The following KCNN2 variants were observed in gnomAD, a reference collection of about 807,000 sequenced individuals.
KCNN2 encodes potassium calcium-activated channel subfamily N member 2, also known as small conductance calcium-activated potassium channel protein 2.
A neutral mutation model predicts 55.5 loss-of-function variants in KCNN2; 24 were observed. The observed-to-expected ratio is 0.43, with a 90% CI of 0.31 to 0.61. The LOEUF (loss-of-function observed/expected upper bound fraction) is 0.61. KCNN2 is among the 20% of genes least tolerant of loss of function. KCNN2 has a pLI of 0.08. For missense variants in KCNN2, 754 were observed against 853.6 expected, an observed-to-expected ratio of 0.88 and a Z score of 1.45; for synonymous variants, 431 against 336.1, an observed-to-expected ratio of 1.28 and a Z score of -3.09.
intron 2 of KCNN2, among the ~76,000 whole-genome samples, chr5:114,258,332 C>T (rs1206065097): frequency 6.6e-6 from 1 of 152,022 alleles, no homozygotes; most frequent in Non-Finnish European, 1.5e-5. Flanking sequence ...TTACCTGGCT[C>T]TGGTATTAGG....
At chr5:114,477,408 T>C (rs1334820504) in intron 5 of KCNN2, among the ~76,000 whole-genome samples, 1 of 152,142 alleles carries the variant, frequency 6.6e-6, no homozygotes, top group Non-Finnish European at 1.5e-5. Flanking sequence ...CCAAGTAAAA[T>C]ACTGTATTTG....
chr5:114,350,916 G>T (rs1184042376), intron 2 of KCNN2, among the ~76,000 whole-genome samples: 1 of 151,706 alleles, frequency 6.6e-6, no homozygotes, highest in Non-Finnish European at 1.5e-5. Context: ...TCTATTTAAA[G>T]ATTGCTTTGT....
Position 114,487,033 on chromosome 5 carries a change from G to C in KCNN2, c.1891-17G>C, listed in dbSNP as rs750010991. Reference sequence around the variant, plus strand: ...TGCTCTGGAATTTATCAACTGCTTTGTTTGTTCTCTTAACAGGTAAAAAAT... The same window carrying C: ...TGCTCTGGAATTTATCAACTGCTTTCTTTGTTCTCTTAACAGGTAAAAAAT... On this transcript the variant is annotated splice_polypyrimidine_tract_variant and intron_variant, in intron 5 of 7. Transcript: ENST00000673685. 12 of 1,612,192 alleles carry C rather than the reference G, an allele frequency of 7.4e-6. No individual in the cohort carries two copies. The highest frequency in any genetic ancestry group is 1.3e-5 in the African/African-American group (1 of 74,842).
At chr5:114,313,026 C>T (rs1190339319) in intron 2 of KCNN2, among the ~76,000 whole-genome samples, 2 of 152,052 alleles carry the variant, frequency 1.3e-5, no homozygotes, top group African/African-American at 4.8e-5. Flanking sequence ...GTTTTGATCT[C>T]TGTAGAAAAA....
intron 2 of KCNN2, among the ~76,000 whole-genome samples, chr5:114,229,928 C>T (rs945759715): frequency 6.6e-6 from 1 of 152,114 alleles, no homozygotes; most frequent in Non-Finnish European, 1.5e-5. Flanking sequence ...ATGCATTGTA[C>T]AGCTGGAACA....
chr5:114,261,626 A>T (rs190213243), intron 2 of KCNN2, among the ~76,000 whole-genome samples: 1 of 152,310 alleles, frequency 6.6e-6, no homozygotes, highest in East Asian at 1.9e-4. Context: ...TTCTCTGAGA[A>T]TTATTTTCCC....
At chr5:114,483,171 C>T (rs1291377333) in intron 5 of KCNN2, among the ~76,000 whole-genome samples, 3 of 151,352 alleles carry the variant, frequency 2.0e-5, no homozygotes, top group African/African-American at 7.3e-5. Context: ...CCGTGAGTCG[C>T]AATATAATAT....
chr5:114,209,341 C>T lies in KCNN2; in HGVS notation c.-270-12139C>T, dbSNP rs139669698. ...CTTCCTCTGCTTGCTCCTTAAATGT[C>T]ACTATTCCTTTAAATTCCATTTCCT... On this transcript the variant is annotated intron_variant, in intron 1 of 10. Transcript: ENST00000512097. 7.2e-5 allele frequency among the ~76,000 whole-genome samples: 11 copies of T among 152,116 alleles called. No homozygotes were observed. In the East Asian group the frequency reaches 2.1e-3, roughly 30 times the overall value.
chr5:114,374,905 C>G (rs144050379), intron 2 of KCNN2, among the ~76,000 whole-genome samples: 1 of 152,190 alleles, frequency 6.6e-6, no homozygotes, highest in African/African-American at 2.4e-5. Flanking sequence ...GGGATTGTTT[C>G]CAGGTAGTTT....
intron 1 of KCNN2, among the ~76,000 whole-genome samples, chr5:114,071,522 A>G (rs138768315): frequency 7.7e-4 from 117 of 152,366 alleles, no homozygotes; most frequent in South Asian, 1.9e-3. Flanking sequence ...AGGCAACTAC[A>G]AGGGGACTGA....
At chr5:114,158,117 T>A (rs1752680588) in intron 1 of KCNN2, among the ~76,000 whole-genome samples, 1 of 152,152 alleles carries the variant, frequency 6.6e-6, no homozygotes, top group South Asian at 2.1e-4. Context: ...GGTTTTCTTC[T>A]AGGGTTTTTA....
At chr5:114,093,575 A>G (rs2112558809) in intron 1 of KCNN2, among the ~76,000 whole-genome samples, 2 of 152,346 alleles carry the variant, frequency 1.3e-5, no homozygotes, top group Middle Eastern at 6.8e-3. Context: ...TAAAAGAAAG[A>G]GGTTTAATTA....
intron 1 of KCNN2, among the ~76,000 whole-genome samples, chr5:114,109,984 C>T (rs1247325482): frequency 6.6e-6 from 1 of 151,980 alleles, no homozygotes; most frequent in Non-Finnish European, 1.5e-5. Context: ...GGCTCCTCCC[C>T]TCATGAATGA....
intron 2 of KCNN2, among the ~76,000 whole-genome samples, chr5:114,233,113 G>T (rs1365972056): frequency 1.4e-5 from 2 of 143,090 alleles, no homozygotes; most frequent in African/African-American, 5.8e-5. Flanking sequence ...GTAGAGACGG[G>T]GTTTCACCGT....
At chr5:114,378,538 A>G (rs1580767257) in intron 2 of KCNN2, among the ~76,000 whole-genome samples, 1 of 152,106 alleles carries the variant, frequency 6.6e-6, no homozygotes, top group South Asian at 2.1e-4. Flanking sequence ...TATGGCCCCT[A>G]TCTCGGGCTT....
At chr5:114,219,579 C>G (rs1009720907) in intron 1 of KCNN2, among the ~76,000 whole-genome samples, 2 of 152,100 alleles carry the variant, frequency 1.3e-5, no homozygotes, top group Non-Finnish European at 2.9e-5. Context: ...CAGCTGTAAT[C>G]TCATCTACCA....
chr5:114,470,444 T>TTTGTCGAGC lies in KCNN2; in HGVS notation c.1780-2609_1780-2601dup, dbSNP rs796632129. ...CATATCTACAAAAGGCTAGCCTGTG[T>TTTGTCGAGC]TTGTCGAGCATACGCTATACCATAC... On this transcript the variant is annotated intron_variant, in intron 4 of 7. Transcript: ENST00000673685. Among the ~76,000 whole-genome samples the TTTGTCGAGC allele has an allele frequency of 5.5e-4, 83 of 152,288 alleles. 1 individual carries two copies. Among genetic ancestry groups the TTTGTCGAGC allele is most frequent in the African/African-American group, 1.9e-3 (81 of 41,570 alleles).
chr5:114,072,694 T>C (rs1750602385), intron 1 of KCNN2, among the ~76,000 whole-genome samples: 2 of 152,168 alleles, frequency 1.3e-5, no homozygotes, highest in South Asian at 4.1e-4. Flanking sequence ...ACAGGGACTT[T>C]GCAACTAAAC....
At chr5:114,407,625 G>C (rs1404334773) in intron 3 of KCNN2, among the ~76,000 whole-genome samples, 1 of 152,156 alleles carries the variant, frequency 6.6e-6, no homozygotes, top group Non-Finnish European at 1.5e-5. Context: ...TGATTTGAGT[G>C]GGGGACATAG....
Sources: gnomAD v4.1 joint callset for allele counts (sites outside exome capture counted in the v4.1 genomes callset) on GRCh38, gnomAD v4.1.1 for gene constraint, MANE v1.5 for transcripts, NCBI Gene and HGNC (gene_info 2026-07-23, HGNC 2026-07-21) for gene names.